The following UVRAG variants were observed in gnomAD, a reference collection of about 807,000 sequenced individuals.
The protein encoded by UVRAG is UV radiation resistance-associated gene protein.
UVRAG carries 19 observed loss-of-function variants against 78.0 expected under a neutral mutation model. The observed-to-expected ratio is 0.24, with a 90% confidence interval of 0.17 to 0.36. The LOEUF (loss-of-function observed/expected upper bound fraction) is 0.36, where lower values mean the gene tolerates loss of function less well. Among genes scored for constraint, UVRAG ranks in the 10% least tolerant of loss-of-function variants. UVRAG has a pLI of 1.00. For missense variants in UVRAG, 740 were observed against 853.8 expected, an observed-to-expected ratio of 0.87 and a Z score of 1.66; for synonymous variants, 323 against 324.6, an observed-to-expected ratio of 1.00 and a Z score of 0.05.
intron 8 of UVRAG, among the ~76,000 whole-genome samples, chr11:75,993,107 C>T (rs1309462884): frequency 6.6e-6 from 1 of 152,174 alleles, no homozygotes; most frequent in Admixed American, 6.5e-5. Flanking sequence ...TTACTGTCTG[C>T]ATCTTTTTAC....
At chr11:75,823,840 T>C (rs1028867379) in intron 1 of UVRAG, among the ~76,000 whole-genome samples, 32 of 152,170 alleles carry the variant, frequency 2.1e-4, no homozygotes, top group Admixed American at 2.0e-3. Flanking sequence ...TGTACAGTTT[T>C]TTTGTTTATG....
chr11:75,924,911 A>G (rs1948062864), intron 6 of UVRAG, among the ~76,000 whole-genome samples: 2 of 152,356 alleles, frequency 1.3e-5, no homozygotes, highest in South Asian at 4.1e-4. Flanking sequence ...GCTTAGAGCA[A>G]AAGTCAGCTT....
intron 12 of UVRAG, among the ~76,000 whole-genome samples, chr11:76,053,799 G>T (rs1021422788): frequency 3.3e-5 from 5 of 151,958 alleles, no homozygotes; most frequent in African/African-American, 1.2e-4. Flanking sequence ...GTGAAACCCC[G>T]TTTCTACTAA....
intron 3 of UVRAG, among the ~76,000 whole-genome samples, chr11:75,862,254 A>G (rs1247214886): frequency 6.6e-6 from 1 of 152,140 alleles, no homozygotes; most frequent in Non-Finnish European, 1.5e-5. Flanking sequence ...ATCTTTGTTC[A>G]GATATAGTTC....
intron 11 of UVRAG, chr11:76,012,843 G>GTGTGTGTGTGTT (rs1950078937): frequency 7.2e-6 from 1 of 139,212 alleles, no homozygotes; most frequent in African/African-American, 3.0e-5. Context: ...GTGTGTGTGT[G>GTGTGTGTGTGTT]TGTGTTTAAG....
At chr11:75,878,904 A>AGGGGGT (rs1946876373) in intron 3 of UVRAG, among the ~76,000 whole-genome samples, 1 of 49,814 alleles carries the variant, frequency 2.0e-5, no homozygotes, top group African/African-American at 8.6e-5. Context: ...AGGGACAGGG[A>AGGGGGT]GGGGGAGGGG....
rs768512214 is a variant in UVRAG, at chr11:75,853,809, G to A, written c.235+1809G>A. Among the ~76,000 whole-genome samples the A allele has an allele frequency of 5.9e-5, 9 of 151,822 alleles. No individual in the cohort carries two copies. The Middle Eastern group carries it at 0.01, about 172-fold the overall frequency. On this transcript the variant is annotated intron_variant, in intron 2 of 14. Transcript: ENST00000356136. ...ATTTTTTGAGGCAGAGTCTCGCTCC[G>A]TTGCCCAGGCTGGTGTGCAGTGGTG...
intron 6 of UVRAG, among the ~76,000 whole-genome samples, chr11:75,913,952 A>G (rs1460879332): frequency 1.3e-5 from 2 of 152,198 alleles, no homozygotes; most frequent in African/African-American, 4.8e-5. Flanking sequence ...TGTGTCAGTA[A>G]TTTGAACTGC....
chr11:76,038,265 C>T (rs889281200), intron 12 of UVRAG, among the ~76,000 whole-genome samples: 2 of 151,940 alleles, frequency 1.3e-5, no homozygotes, highest in African/African-American at 4.8e-5. Flanking sequence ...ATTAGGTCTA[C>T]TGGAGATAGA....
chr11:76,040,385 A>G (rs945984633), intron 12 of UVRAG, among the ~76,000 whole-genome samples: 3 of 150,790 alleles, frequency 2.0e-5, no homozygotes, highest in African/African-American at 4.9e-5. Flanking sequence ...AGCCAGGAGA[A>G]TGGTGTGAAC....
chr11:75,884,890 C>T (rs894651805), intron 4 of UVRAG, among the ~76,000 whole-genome samples: 6 of 151,996 alleles, frequency 3.9e-5, no homozygotes, highest in Non-Finnish European at 5.9e-5. Flanking sequence ...TTTCCATATA[C>T]ACTTTAGAAC....
chr11:76,037,438 C>T (rs1028363298), intron 12 of UVRAG, among the ~76,000 whole-genome samples: 2 of 151,420 alleles, frequency 1.3e-5, no homozygotes, highest in African/African-American at 4.9e-5. Context: ...CGCAGTGGCT[C>T]ACGCCTGTAA....
intron 14 of UVRAG, among the ~76,000 whole-genome samples, chr11:76,116,221 G>C (rs921692252): frequency 6.6e-6 from 1 of 152,176 alleles, no homozygotes; most frequent in Non-Finnish European, 1.5e-5. Context: ...AGGGAGGAGG[G>C]GCCAAGGGGA....
intron 13 of UVRAG, among the ~76,000 whole-genome samples, chr11:76,098,372 G>A (rs916726704): frequency 1.3e-5 from 2 of 152,094 alleles, no homozygotes; most frequent in Admixed American, 6.6e-5. Flanking sequence ...TGTTATATGA[G>A]CCAGAGGCTC....
intron 14 of UVRAG, among the ~76,000 whole-genome samples, chr11:76,117,234 A>C (rs978787415): frequency 6.6e-6 from 1 of 152,240 alleles, no homozygotes; most frequent in Non-Finnish European, 1.5e-5. Context: ...GTTTTCTAAC[A>C]CAATGGTAAA....
At chr11:76,015,019 AT>A (rs913192054) in intron 11 of UVRAG, among the ~76,000 whole-genome samples, 6 of 152,084 alleles carry the variant, frequency 3.9e-5, no homozygotes, top group African/African-American at 1.4e-4. Context: ...CTGCTGTTTG[AT>A]TTTTTTCCAT....
At chr11:75,824,835 G>A (rs1196960036) in intron 1 of UVRAG, among the ~76,000 whole-genome samples, 6 of 151,640 alleles carry the variant, frequency 4.0e-5, no homozygotes, top group Admixed American at 1.3e-4. Context: ...CACCACGCCC[G>A]GCTAATTTTT....
intron 8 of UVRAG, among the ~76,000 whole-genome samples, chr11:75,999,441 G>A (rs1354449270): frequency 6.6e-6 from 1 of 151,816 alleles, no homozygotes; most frequent in Non-Finnish European, 1.5e-5. Context: ...GGAGTGCAGT[G>A]GTGCAATCTC....
chr11:75,888,740 G>A, intron 4 of UVRAG, 89 bp from the exon 5 acceptor site: 2 of 1,111,546 alleles, frequency 1.8e-6, no homozygotes, highest in South Asian at 3.1e-5. Flanking sequence ...CAGTATTGAA[G>A]TAGATCCTGT....
Sources: gnomAD v4.1 joint callset for allele counts (sites outside exome capture counted in the v4.1 genomes callset) on GRCh38, gnomAD v4.1.1 for gene constraint, MANE v1.5 for transcripts, NCBI Gene and HGNC (gene_info 2026-07-23, HGNC 2026-07-21) for gene names.